Variants in PPARGC1A observed in about 807,000 individuals in gnomAD.
PPARGC1A encodes PPARG coactivator 1 alpha, also known as peroxisome proliferator-activated receptor gamma coactivator 1-alpha.
A neutral mutation model predicts 88.7 loss-of-function variants in PPARGC1A; 25 were observed. The observed-to-expected ratio is 0.28, with a 90% CI of 0.21 to 0.39. The LOEUF is 0.39. Among genes scored for constraint, PPARGC1A ranks in the 10% least tolerant of loss-of-function variants. PPARGC1A has a pLI of 1.00. For synonymous variants in PPARGC1A, 363 were observed against 355.6 expected (o/e 1.02, Z -0.24); for missense variants, 880 against 968.7 (o/e 0.91, Z 1.22).
At chr4:24,394,050 T>C in the PPARGC1A span, among the ~76,000 whole-genome samples, 2 of 152,190 alleles carry the variant, frequency 1.3e-5, no homozygotes, top group Non-Finnish European at 2.9e-5. Flanking sequence ...GTAAAGATAA[T>C]AAATGAGAAC....
chr4:23,864,437 G>A (rs1383358104), intron 2 of PPARGC1A, among the ~76,000 whole-genome samples: 1 of 152,164 alleles, frequency 6.6e-6, no homozygotes, highest in Non-Finnish European at 1.5e-5. Flanking sequence ...AATAATGTTT[G>A]GTTTAACAAT....
At chr4:24,142,100 G>A in the PPARGC1A span, among the ~76,000 whole-genome samples, 3 of 152,126 alleles carry the variant, frequency 2.0e-5, no homozygotes, top group African/African-American at 7.2e-5. Flanking sequence ...AATCACCATG[G>A]CCCACACAGT....
chr4:23,913,995 T>C, the PPARGC1A span, among the ~76,000 whole-genome samples: 2,082 of 152,332 alleles, frequency 0.014, 26 homozygotes, highest in Middle Eastern at 0.02. Context: ...GTTATATTTA[T>C]ATTAATGTTA....
the PPARGC1A span, among the ~76,000 whole-genome samples, chr4:24,276,871 A>C: frequency 6.6e-6 from 1 of 152,168 alleles, no homozygotes; most frequent in Non-Finnish European, 1.5e-5. Context: ...CCAGTCCTGC[A>C]CAGACAGATA....
At chr4:24,001,841 C>T in the PPARGC1A span, among the ~76,000 whole-genome samples, 79 of 152,212 alleles carry the variant, frequency 5.2e-4, no homozygotes, top group Non-Finnish European at 7.1e-4. Flanking sequence ...TGGGTACCAG[C>T]CTTTAATTAG....
At chr4:24,209,117 T>C in the PPARGC1A span, among the ~76,000 whole-genome samples, 2 of 152,176 alleles carry the variant, frequency 1.3e-5, no homozygotes, top group Non-Finnish European at 2.9e-5. Flanking sequence ...AGATGTGATA[T>C]GCATGGGGAC....
chr4:24,148,142 T>C, the PPARGC1A span, among the ~76,000 whole-genome samples: 1 of 152,174 alleles, frequency 6.6e-6, no homozygotes, highest in Non-Finnish European at 1.5e-5. Context: ...CCATATTCTA[T>C]AACATTTCTC....
At chr4:24,091,773 T>A in the PPARGC1A span, 2 of 333,400 alleles carry the variant, frequency 6.0e-6, no homozygotes, top group African/African-American at 4.5e-5. Context: ...CCATCAAGCG[T>A]CCAGAGATTA....
the PPARGC1A span, among the ~76,000 whole-genome samples, chr4:24,105,929 C>T: frequency 3.3e-5 from 5 of 152,266 alleles, no homozygotes; most frequent in African/African-American, 1.2e-4. Context: ...TGACGGCAAA[C>T]ATTTTGGAGA....
chr4:24,187,440 A>T, the PPARGC1A span, among the ~76,000 whole-genome samples: 1 of 152,146 alleles, frequency 6.6e-6, no homozygotes, highest in African/African-American at 2.4e-5. Flanking sequence ...CTACCTATAA[A>T]ATTACCTAAA....
the PPARGC1A span, among the ~76,000 whole-genome samples, chr4:24,108,720 T>A: frequency 6.6e-6 from 1 of 152,108 alleles, no homozygotes; most frequent in Non-Finnish European, 1.5e-5. Context: ...GACCAGTAAG[T>A]CACAGCTGTG....
chr4:23,969,651 G>A, the PPARGC1A span, among the ~76,000 whole-genome samples: 2 of 152,110 alleles, frequency 1.3e-5, no homozygotes, highest in Non-Finnish European at 2.9e-5. Flanking sequence ...AAGTTCCCAC[G>A]ATGATCTCAG....
At chr4:24,376,737 C>T in the PPARGC1A span, among the ~76,000 whole-genome samples, 1 of 152,086 alleles carries the variant, frequency 6.6e-6, no homozygotes, top group Non-Finnish European at 1.5e-5. Context: ...GTTAGCTGCA[C>T]GAAGTACCAG....
the PPARGC1A span, among the ~76,000 whole-genome samples, chr4:24,119,591 T>G: frequency 6.6e-6 from 1 of 152,168 alleles, no homozygotes; most frequent in Non-Finnish European, 1.5e-5. Context: ...AGTGTTACAA[T>G]AATATACTAA....
chr4:23,919,634 T>C, the PPARGC1A span, among the ~76,000 whole-genome samples: 1 of 151,818 alleles, frequency 6.6e-6, no homozygotes, highest in Non-Finnish European at 1.5e-5. Context: ...TCCCAATAAA[T>C]GAATGGTGAT....
the PPARGC1A span, among the ~76,000 whole-genome samples, chr4:23,938,454 A>G: frequency 6.6e-6 from 1 of 152,238 alleles, no homozygotes; most frequent in East Asian, 1.9e-4. Context: ...ACCATAGGAT[A>G]CAGTAACAAA....
At chr4:23,900,285 C>T (rs904586367), upstream of PPARGC1A, among the ~76,000 whole-genome samples, 2 of 152,182 alleles carry the variant, frequency 1.3e-5, no homozygotes, top group African/African-American at 4.8e-5. Context: ...GTTCAAAACT[C>T]ATTATTGAAC....
the PPARGC1A span, among the ~76,000 whole-genome samples, chr4:24,091,995 T>C: frequency 5.3e-5 from 8 of 151,604 alleles, no homozygotes; most frequent in African/African-American, 1.9e-4. Context: ...TTCTGCCAGG[T>C]TGCATCAGTG....
chr4:24,135,026 C>A, the PPARGC1A span, among the ~76,000 whole-genome samples: 16 of 152,342 alleles, frequency 1.1e-4, no homozygotes, highest in South Asian at 2.7e-3. Flanking sequence ...GGAAGTACTG[C>A]TCCTGTGGCC....
Sources: gnomAD v4.1 joint callset for allele counts (sites outside exome capture counted in the v4.1 genomes callset) on GRCh38, gnomAD v4.1.1 for gene constraint, MANE v1.5 for transcripts, NCBI Gene and HGNC (gene_info 2026-07-23, HGNC 2026-07-21) for gene names.